The following TSPEAR variants were observed in gnomAD, a reference collection of about 807,000 sequenced individuals.
The protein encoded by TSPEAR is thrombospondin type laminin G domain and EAR repeats.
Under a neutral mutation model 71.6 loss-of-function variants are expected in TSPEAR, and 69 were observed. The ratio of observed to expected loss-of-function variants is 0.96; its 90% confidence interval spans 0.79 to 1.18. The LOEUF is 1.18. TSPEAR is among the 50% of genes most tolerant of loss of function. The pLI is 0.00. For missense variants in TSPEAR, 971 were observed against 894.9 expected, an observed-to-expected ratio of 1.09 and a Z score of -1.09; for synonymous variants, 402 against 387.2, an observed-to-expected ratio of 1.04 and a Z score of -0.45.
chr21:44,538,828 G>GT (rs1555916712), intron 2 of TSPEAR, among the ~76,000 whole-genome samples: 1 of 152,156 alleles, frequency 6.6e-6, no homozygotes, highest in Non-Finnish European at 1.5e-5. Context: ...GGGAGTGACC[G>GT]TGAGTCCCAC....
At chr21:44,512,618 C>T (rs587620856) in intron 9 of TSPEAR, among the ~76,000 whole-genome samples, 23 of 152,262 alleles carry the variant, frequency 1.5e-4, no homozygotes, top group Middle Eastern at 3.4e-3. Flanking sequence ...TGGGAATGCG[C>T]GAGACGGGCA....
intron 1 of TSPEAR, chr21:44,666,876 G>C (rs1555944972): frequency 4.3e-6 from 7 of 1,613,566 alleles, no homozygotes; most frequent in South Asian, 1.1e-5. Flanking sequence ...GGAGCAGCTG[G>C]TATGACACAT....
intron 11 of TSPEAR, among the ~76,000 whole-genome samples, chr21:44,503,654 G>A (rs1191285343): frequency 7.9e-6 from 1 of 126,284 alleles, no homozygotes; most frequent in Non-Finnish European, 1.6e-5. Context: ...GGGGGAAGCC[G>A]GCCTTGGTGA....
At chr21:44,579,061 G>T (rs1192191274) in intron 1 of TSPEAR, among the ~76,000 whole-genome samples, 6 of 152,318 alleles carry the variant, frequency 3.9e-5, no homozygotes, top group Admixed American at 6.5e-5. Flanking sequence ...CTGCTAAGCG[G>T]GCAGAACTCT....
chr21:44,564,817 G>A (rs2053682364), intron 2 of TSPEAR, among the ~76,000 whole-genome samples: 1 of 152,138 alleles, frequency 6.6e-6, no homozygotes, highest in Non-Finnish European at 1.5e-5. Flanking sequence ...CCCACCTGAT[G>A]ACAGCAGAAT....
intron 1 of TSPEAR, chr21:44,658,259 TCCTGCTGCTGA>T: frequency 6.2e-7 from 1 of 1,613,480 alleles, no homozygotes; most frequent in Non-Finnish European, 8.5e-7. Flanking sequence ...CAGCACCCCT[TCCTGCTGCTGA>T]CCAGCTGCTC....
In TSPEAR at chr21:44,546,748, C is replaced by T. The variant is rs1414265150; in HGVS notation, c.304-12825G>A. On this transcript the variant is annotated intron_variant, in intron 2 of 11. Transcript: ENST00000323084. This position sits in a 1 kb window ranked among gnomAD's most constrained non-coding sequence, Gnocchi z 4.4. Reference sequence around the variant, plus strand: ...ATGTCATCCCAATGCCTCTGGCCTCCATGGTTTCTGATGAGAAATTCGCTG... The same window carrying T: ...ATGTCATCCCAATGCCTCTGGCCTCTATGGTTTCTGATGAGAAATTCGCTG... Among the ~76,000 whole-genome samples, 1 of 152,206 alleles carries T rather than the reference C, an allele frequency of 6.6e-6. No individual in the cohort carries two copies. The highest frequency in any genetic ancestry group is 1.5e-5 in the Non-Finnish European group (1 of 68,034).
At chr21:44,601,913 T>A in intron 1 of TSPEAR, 1 of 939,020 alleles carries the variant, frequency 1.1e-6, no homozygotes, top group Non-Finnish European at 1.6e-6. Flanking sequence ...TCTCCAAGTC[T>A]TGACTTTCCC....
At chr21:44,544,843 A>C (rs2053275393) in intron 2 of TSPEAR, among the ~76,000 whole-genome samples, 2 of 152,200 alleles carry the variant, frequency 1.3e-5, no homozygotes, top group Non-Finnish European at 2.9e-5. Context: ...GGCTGGGCCC[A>C]CAGGACGTTA....
At chr21:44,556,110 G>A (rs1256731292) in intron 2 of TSPEAR, among the ~76,000 whole-genome samples, 1 of 152,222 alleles carries the variant, frequency 6.6e-6, no homozygotes, top group Admixed American at 6.5e-5. Flanking sequence ...GGGCACGGTG[G>A]CTCACGCTTG....
chr21:44,586,198 C>T (rs1481281893), intron 1 of TSPEAR, among the ~76,000 whole-genome samples: 2 of 152,246 alleles, frequency 1.3e-5, no homozygotes, highest in Admixed American at 6.5e-5. Flanking sequence ...TGGCTGTCCT[C>T]ATGTGCTGTC....
intron 1 of TSPEAR, among the ~76,000 whole-genome samples, chr21:44,603,444 T>C (rs1219242062): frequency 6.6e-6 from 1 of 152,130 alleles, no homozygotes; most frequent in African/African-American, 2.4e-5. Context: ...TGGAGGGGCC[T>C]TGCTCAGAGA....
At chr21:44,579,752 G>C in intron 1 of TSPEAR, 1 of 1,606,982 alleles carries the variant, frequency 6.2e-7, no homozygotes, top group Non-Finnish European at 8.5e-7. Flanking sequence ...CTCCTGGCCT[G>C]AGCAGAGGCC....
chr21:44,516,283 G>A (rs1225369060), intron 9 of TSPEAR: 1 of 152,330 alleles, frequency 6.6e-6, no homozygotes, highest in Non-Finnish European at 1.5e-5. Flanking sequence ...CAGTGGCCAG[G>A]GCTGCCAGGC....
At chr21:44,542,799 C>T (rs1163658634) in intron 2 of TSPEAR, among the ~76,000 whole-genome samples, 4 of 149,652 alleles carry the variant, frequency 2.7e-5, no homozygotes, top group African/African-American at 9.8e-5. Context: ...AAGGAACCCT[C>T]CAAACCAAGA....
chr21:44,558,770 T>TGAGTGAGG lies in TSPEAR; in HGVS notation c.303+9007_303+9014dup, dbSNP rs1202048617. On this transcript the variant is annotated intron_variant, in intron 2 of 11. Transcript: ENST00000323084. ...AGACGTGAGTGAGTGAGTGTGGGAG[T>TGAGTGAGG]GAGTGAGGGAGTGAGTGAGTGATCG... is the stretch of plus-strand genomic sequence containing the variant. 127 of 1,552,374 alleles carry TGAGTGAGG rather than the reference T, an allele frequency of 8.2e-5. No individual in the cohort carries two copies. The Admixed American group carries it at 8.2e-4, about 10-fold the overall frequency.
At chr21:44,580,142 G>T (rs782806242) in intron 1 of TSPEAR, 3 of 1,613,102 alleles carry the variant, frequency 1.9e-6, no homozygotes, top group African/African-American at 1.3e-5. Flanking sequence ...GGAATCCTCA[G>T]AACAGGTGGG....
At chr21:44,676,322 C>A (rs73234831) in intron 1 of TSPEAR, 46,114 of 1,176,808 alleles carry the variant, frequency 0.039, 1,050 homozygotes, top group Middle Eastern at 0.064. Flanking sequence ...TTAGTAAATT[C>A]ATTATCAGAA....
chr21:44,603,751 T>G (rs392686), intron 1 of TSPEAR, among the ~76,000 whole-genome samples: 126,110 of 152,250 alleles, frequency 0.83, 54,091 homozygotes, highest in Non-Finnish European at 0.94. Flanking sequence ...AAACTGCCCT[T>G]TGTCACCTGG....
Sources: allele counts gnomAD v4.1 joint callset (sites outside exome capture counted in the v4.1 genomes callset), GRCh38; gene constraint gnomAD v4.1.1; non-coding constraint Gnocchi (gnomAD v3.1); transcripts MANE v1.5; gene names NCBI Gene and HGNC (gene_info 2026-07-23, HGNC 2026-07-21).